Variants in AGBL4 observed in about 807,000 individuals in gnomAD.
AGBL4 encodes AGBL carboxypeptidase 4, also known as cytosolic carboxypeptidase 6.
In AGBL4, 58 loss-of-function variants were observed where a neutral mutation model predicts 66.4. That is an observed-to-expected ratio of 0.87 (90% confidence interval 0.71 to 1.09). The LOEUF is 1.09. Among genes scored for constraint, AGBL4 ranks in the 50% least tolerant of loss-of-function variants. AGBL4 has a pLI of 0.00. For missense variants in AGBL4, 579 were observed against 631.0 expected (o/e 0.92, Z 0.88); for synonymous variants, 234 against 222.9 (o/e 1.05, Z -0.44).
intron 2 of AGBL4, among the ~76,000 whole-genome samples, chr1:49,707,367 C>CTTTTTTTTTT (rs34368394): frequency 3.3e-4 from 25 of 76,222 alleles, no homozygotes; most frequent in Non-Finnish European, 4.5e-4. Context: ...GCAACCCCTG[C>CTTTTTTTTTT]TTTTTTTTTT....
rs533949227 is a variant in AGBL4, at chr1:49,111,128, T to C, written c.378-65328A>G. On this transcript the variant is annotated intron_variant, in intron 4 of 13. Transcript: ENST00000371839. ...AATTCGTTGAATTTTTTTTTTTTTTTTTTGAGATGGACTCTCGCTCTGTCA... is the reference window on the plus strand; with the variant it reads ...AATTCGTTGAATTTTTTTTTTTTTTCTTTGAGATGGACTCTCGCTCTGTCA... Among the ~76,000 whole-genome samples the C allele has an allele frequency of 2.6e-5, 4 of 151,638 alleles. No individual in the cohort carries two copies. In the South Asian group the frequency reaches 8.4e-4, roughly 32 times the overall value.
At chr1:49,271,886 T>G (rs1184786977) in intron 3 of AGBL4, among the ~76,000 whole-genome samples, 1 of 152,186 alleles carries the variant, frequency 6.6e-6, no homozygotes, top group Non-Finnish European at 1.5e-5. Context: ...AACTCTGCTG[T>G]CTTTTATAAT....
At chr1:49,461,225 C>A (rs189619937) in intron 3 of AGBL4, among the ~76,000 whole-genome samples, 151 of 151,770 alleles carry the variant, frequency 9.9e-4, no homozygotes, top group African/African-American at 3.5e-3. Context: ...TCTTCTTCCT[C>A]AAGAACACCA....
At chr1:49,701,531 T>C (rs1647093769) in intron 2 of AGBL4, among the ~76,000 whole-genome samples, 1 of 151,504 alleles carries the variant, frequency 6.6e-6, no homozygotes, top group South Asian at 2.1e-4. Flanking sequence ...TGTGTGTCAA[T>C]CATACCTCAA....
At position 49,753,397 on chromosome 1, in the gene AGBL4, C is replaced by G. The variant is rs117391640; in HGVS notation, c.158-55960G>C. On this transcript the variant is annotated intron_variant, in intron 2 of 13. Coordinates refer to ENST00000371839, the MANE Select transcript of AGBL4 (RefSeq NM_032785.4). ...TCTTTGAGAATGTTGAATATTGGACCCCACTCTTTTCTGACTTACAGGGTT... is the reference window on the plus strand; with the variant it reads ...TCTTTGAGAATGTTGAATATTGGACGCCACTCTTTTCTGACTTACAGGGTT... Among the ~76,000 whole-genome samples, 1,572 of 152,142 alleles carry G rather than the reference C, an allele frequency of 0.01. 45 individuals carry two copies. The East Asian group carries it at 0.12, about 11-fold the overall frequency.
At chr1:48,762,236 T>G (rs1274602820) in intron 6 of AGBL4, among the ~76,000 whole-genome samples, 1 of 152,216 alleles carries the variant, frequency 6.6e-6, no homozygotes, top group Admixed American at 6.5e-5. Flanking sequence ...ACATACTGAA[T>G]GTAAAGTGCT....
intron 3 of AGBL4, among the ~76,000 whole-genome samples, chr1:49,372,307 C>A (rs1258966207): frequency 4.6e-5 from 7 of 152,172 alleles, no homozygotes; most frequent in South Asian, 2.1e-4. Context: ...GAAGTCCTTG[C>A]TCGAATCCTA....
chr1:49,672,921 CAAAAAAAAAA>C (rs60612868), intron 3 of AGBL4, among the ~76,000 whole-genome samples: 3 of 47,058 alleles, frequency 6.4e-5, no homozygotes, highest in African/African-American at 1.9e-4. Context: ...AACTCCATCT[CAAAAAAAAAA>C]AAAAAAAAAA....
At chr1:49,518,810 C>T (rs1650032998) in intron 3 of AGBL4, among the ~76,000 whole-genome samples, 1 of 151,980 alleles carries the variant, frequency 6.6e-6, no homozygotes, top group Non-Finnish European at 1.5e-5. Context: ...AATTGTATTA[C>T]TTTTTAATAT....
At chr1:49,891,669 A>G (rs535581930) in intron 1 of AGBL4, among the ~76,000 whole-genome samples, 2 of 152,332 alleles carry the variant, frequency 1.3e-5, no homozygotes, top group African/African-American at 4.8e-5. Flanking sequence ...GGTCTAGGCT[A>G]ATGAACTTGC....
chr1:49,575,381 C>T (rs1176827299), intron 3 of AGBL4, among the ~76,000 whole-genome samples: 1 of 152,140 alleles, frequency 6.6e-6, no homozygotes, highest in Admixed American at 6.5e-5. Context: ...CACATTGGCT[C>T]CCTGACTGGT....
chr1:49,950,841 A>C (rs933441470), intron 1 of AGBL4, among the ~76,000 whole-genome samples: 4 of 151,872 alleles, frequency 2.6e-5, no homozygotes, highest in African/African-American at 9.7e-5. Context: ...CCAAGTGTCA[A>C]TTGATAAATG....
chr1:48,642,521 G>A (rs1645773706), intron 8 of AGBL4, among the ~76,000 whole-genome samples: 1 of 152,054 alleles, frequency 6.6e-6, no homozygotes, highest in Admixed American at 6.5e-5. Context: ...TGACCAACTG[G>A]AAGGACCTGA....
intron 5 of AGBL4, among the ~76,000 whole-genome samples, chr1:49,035,640 T>C (rs1664585256): frequency 6.6e-6 from 1 of 152,122 alleles, no homozygotes; most frequent in Non-Finnish European, 1.5e-5. Context: ...AGACTGCCTT[T>C]CCCTGGCACC....
intron 5 of AGBL4, among the ~76,000 whole-genome samples, chr1:48,986,774 G>A (rs1660207711): frequency 6.6e-6 from 1 of 151,916 alleles, no homozygotes; most frequent in African/African-American, 2.4e-5. Context: ...ATAAGAATAT[G>A]TCTTATTAGT....
At chr1:49,299,702 T>C (rs1269901441) in intron 3 of AGBL4, among the ~76,000 whole-genome samples, 1 of 152,176 alleles carries the variant, frequency 6.6e-6, no homozygotes, top group African/African-American at 2.4e-5. Context: ...AGGGGAGACA[T>C]CTTTCCTTGT....
intron 2 of AGBL4, among the ~76,000 whole-genome samples, chr1:49,707,095 T>A (rs1647262084): frequency 6.6e-6 from 1 of 152,120 alleles, no homozygotes; most frequent in African/African-American, 2.4e-5. Flanking sequence ...GTCTTGAATA[T>A]CCTTATTAAT....
chr1:48,653,554 G>A, intron 7 of AGBL4, 103 bp from the exon 8 acceptor site: 1 of 848,034 alleles, frequency 1.2e-6, no homozygotes, highest in South Asian at 1.7e-5. Context: ...AGGTGATTTT[G>A]GCCTGTGTTG....
At chr1:49,614,811 C>A (rs935389012) in intron 3 of AGBL4, among the ~76,000 whole-genome samples, 1 of 152,116 alleles carries the variant, frequency 6.6e-6, no homozygotes, top group Non-Finnish European at 1.5e-5. Flanking sequence ...TCTTTGCATA[C>A]CTCTTTTATG....
Sources: allele counts gnomAD v4.1 joint callset (sites outside exome capture counted in the v4.1 genomes callset), GRCh38; gene constraint gnomAD v4.1.1; transcripts MANE v1.5; gene names NCBI Gene and HGNC (gene_info 2026-07-23, HGNC 2026-07-21).